ELMO1: variants seen among roughly 807,000 people sequenced by gnomAD.
ELMO1 encodes engulfment and cell motility protein 1.
A neutral mutation model predicts 98.9 loss-of-function variants in ELMO1; 26 were observed. That is an observed-to-expected ratio of 0.26 (90% CI 0.19 to 0.36). The LOEUF (loss-of-function observed/expected upper bound fraction) is 0.36. ELMO1 is among the 10% of genes least tolerant of loss of function. The pLI is 1.00. For missense variants in ELMO1, 627 were observed against 935.2 expected (o/e 0.67, Z 4.30); for synonymous variants, 346 against 346.0 (o/e 1.00, Z 0.00).
At chr7:37,205,665 G>A (rs554456665) in intron 13 of ELMO1, among the ~76,000 whole-genome samples, 1 of 152,256 alleles carries the variant, frequency 6.6e-6, no homozygotes, top group African/African-American at 2.4e-5. Context: ...AAGCATGAGA[G>A]CTGAAACAGG....
intron 20 of ELMO1, among the ~76,000 whole-genome samples, chr7:36,868,348 C>CTTCTTCTT (rs754978396): frequency 7.1e-6 from 1 of 140,630 alleles, no homozygotes; most frequent in Non-Finnish European, 1.5e-5. Flanking sequence ...TCTTCTTCTT[C>CTTCTTCTT]TTTTTTTTTT....
chr7:37,268,139 T>C (rs1343327617), intron 5 of ELMO1, among the ~76,000 whole-genome samples: 3 of 152,224 alleles, frequency 2.0e-5, no homozygotes, highest in East Asian at 3.8e-4. Context: ...TTTTAAAATA[T>C]GCTGCATGCA....
intron 1 of ELMO1, among the ~76,000 whole-genome samples, chr7:37,431,193 C>T (rs1804917390): frequency 6.6e-6 from 1 of 152,026 alleles, no homozygotes; most frequent in Non-Finnish European, 1.5e-5. Context: ...AAAGATTAGC[C>T]CGGCATGGTG....
At chr7:37,053,373 C>G (rs1796223623) in intron 15 of ELMO1, among the ~76,000 whole-genome samples, 1 of 151,596 alleles carries the variant, frequency 6.6e-6, no homozygotes, top group Non-Finnish European at 1.5e-5. Context: ...GGTTTCCTAA[C>G]AATTCCAAAC....
intron 14 of ELMO1, among the ~76,000 whole-genome samples, chr7:37,100,193 C>T (rs1002443276): frequency 2.6e-5 from 4 of 152,198 alleles, no homozygotes; most frequent in Admixed American, 1.3e-4. Context: ...GGACTTTGGT[C>T]AATTTCTTCT....
chr7:37,170,629 T>TG (rs35545417), intron 13 of ELMO1, among the ~76,000 whole-genome samples: 3 of 151,244 alleles, frequency 2.0e-5, no homozygotes, highest in Non-Finnish European at 4.4e-5. Flanking sequence ...TTTTTTTTTT[T>TG]GTCAGAGTCT....
At chr7:37,429,872 C>T (rs1415473171) in intron 1 of ELMO1, 1 of 152,218 alleles carries the variant, frequency 6.6e-6, no homozygotes, top group Non-Finnish European at 1.5e-5. Flanking sequence ...ACTACAATTA[C>T]CTGGTGCAGA....
At chr7:37,276,405 G>A (rs1423796138) in intron 4 of ELMO1, among the ~76,000 whole-genome samples, 3 of 152,070 alleles carry the variant, frequency 2.0e-5, no homozygotes, top group Non-Finnish European at 4.4e-5. Context: ...TCAGGAGATC[G>A]AGACCATCCT....
intron 7 of ELMO1, among the ~76,000 whole-genome samples, chr7:37,239,686 C>T (rs560818201): frequency 4.0e-5 from 6 of 150,642 alleles, no homozygotes; most frequent in South Asian, 2.1e-4. Flanking sequence ...CTGATGCCTG[C>T]GAAGGGAAGG....
chr7:37,160,881 G>T (rs932383343), intron 13 of ELMO1, among the ~76,000 whole-genome samples: 2 of 152,214 alleles, frequency 1.3e-5, no homozygotes, highest in Non-Finnish European at 2.9e-5. Flanking sequence ...GGGCAGCACA[G>T]GGTCACGACT....
At chr7:36,891,292 G>A (rs1805528068) in intron 17 of ELMO1, among the ~76,000 whole-genome samples, 1 of 152,162 alleles carries the variant, frequency 6.6e-6, no homozygotes, top group Non-Finnish European at 1.5e-5. Flanking sequence ...CTGGCACGTG[G>A]CAGGCACTCA....
At chr7:37,092,708 C>A (rs1784177586) in intron 15 of ELMO1, among the ~76,000 whole-genome samples, 1 of 152,044 alleles carries the variant, frequency 6.6e-6, no homozygotes, top group African/African-American at 2.4e-5. Context: ...AGGACAACAT[C>A]CATTATCTCA....
At chr7:37,301,431 AG>A (rs1342776575) in intron 4 of ELMO1, among the ~76,000 whole-genome samples, 1 of 152,158 alleles carries the variant, frequency 6.6e-6, no homozygotes, top group African/African-American at 2.4e-5. Flanking sequence ...TCACTTTTAA[AG>A]TTTGTGTTTT....
chr7:37,187,933 C>T (rs1791315754), intron 13 of ELMO1, among the ~76,000 whole-genome samples: 1 of 151,950 alleles, frequency 6.6e-6, no homozygotes, highest in South Asian at 2.1e-4. Flanking sequence ...CAAACTGGGG[C>T]ATCTAAAGGA....
chr7:37,205,532 T>C (rs1045047494), intron 13 of ELMO1, among the ~76,000 whole-genome samples: 16 of 152,116 alleles, frequency 1.1e-4, no homozygotes, highest in African/African-American at 3.9e-4. Context: ...CTTCGGAACA[T>C]AAAAACAGCA....
At chr7:37,165,593 A>T (rs1034398375) in intron 13 of ELMO1, among the ~76,000 whole-genome samples, 47 of 152,122 alleles carry the variant, frequency 3.1e-4, no homozygotes, top group Non-Finnish European at 5.9e-4. Context: ...TATTGAGATA[A>T]TCATGTGGTT....
At chr7:36,988,372 C>T (rs1458263024) in intron 16 of ELMO1, among the ~76,000 whole-genome samples, 2 of 152,168 alleles carry the variant, frequency 1.3e-5, no homozygotes, top group African/African-American at 4.8e-5. Context: ...TATGCCAAAA[C>T]CATCATTCCA....
chr7:37,206,587 T>A (rs1365458979), intron 13 of ELMO1, among the ~76,000 whole-genome samples: 2 of 152,208 alleles, frequency 1.3e-5, no homozygotes, highest in Non-Finnish European at 2.9e-5. Context: ...CATATGTAAT[T>A]TTGTGTAATT....
chr7:37,168,283 A>G (rs550796684), intron 13 of ELMO1, among the ~76,000 whole-genome samples: 86 of 152,102 alleles, frequency 5.7e-4, no homozygotes, highest in Non-Finnish European at 9.4e-4. Flanking sequence ...CTTTGGTTTG[A>G]ATTTCCTCCT....
Sources: allele counts gnomAD v4.1 joint callset (sites outside exome capture counted in the v4.1 genomes callset), GRCh38; gene constraint gnomAD v4.1.1; transcripts MANE v1.5; gene names NCBI Gene and HGNC (gene_info 2026-07-23, HGNC 2026-07-21).